The following RPF2 variants were observed in gnomAD, a reference collection of about 807,000 sequenced individuals.
RPF2 encodes ribosome production factor 2 homolog.
In RPF2, 21 loss-of-function variants were observed where a neutral mutation model predicts 38.9. The observed-to-expected ratio is 0.54, with a 90% confidence interval of 0.38 to 0.78. RPF2 has a LOEUF of 0.78. Among genes scored for constraint, RPF2 ranks in the 30% least tolerant of loss-of-function variants. The pLI is 0.00. For missense variants in RPF2, 314 were observed against 358.1 expected (o/e 0.88, Z 0.99); for synonymous variants, 121 against 126.2 (o/e 0.96, Z 0.28).
At position 111,025,423 on chromosome 6, in the gene RPF2, T is replaced by C. The variant is rs539832168; in HGVS notation, c.762T>C (p.Ile254=). The change falls in exon 10 of 10, where the codon ATT becomes ATC. Residue 254 remains isoleucine, a synonymous_variant. Coordinates refer to ENST00000441448, the MANE Select transcript of RPF2 (RefSeq NM_032194.3). ...CGTAGCCAAAGAAGAAGAAAAATAT[T>C]TCCCATGATACTTTTGGTACAACTT... ...KALKPKKKKN[I]SHDTFGTTYG... The C allele has an allele frequency of 2.4e-5, 38 of 1,604,276 alleles. No individual in the cohort carries two copies. The South Asian group carries it at 4.2e-4, about 18-fold the overall frequency.
chr6:111,020,481 C>G (rs1024803273), intron 8 of RPF2, among the ~76,000 whole-genome samples: 9 of 152,296 alleles, frequency 5.9e-5, no homozygotes, highest in African/African-American at 2.2e-4. Flanking sequence ...AAAGTATTCA[C>G]TTGTATTTAG....
chr6:111,022,799 GT>G (rs1772257213), intron 8 of RPF2, among the ~76,000 whole-genome samples: 1 of 152,196 alleles, frequency 6.6e-6, no homozygotes, highest in African/African-American at 2.4e-5. Context: ...GCCATGAGCT[GT>G]TTTGAATTGA....
intron 8 of RPF2, among the ~76,000 whole-genome samples, chr6:111,022,467 T>C (rs1479342794): frequency 6.6e-6 from 1 of 152,222 alleles, no homozygotes; most frequent in African/African-American, 2.4e-5. Context: ...CCAGTAAACA[T>C]ACTCACTGAA....
chr6:111,020,777 G>A (rs1252037992), intron 8 of RPF2, among the ~76,000 whole-genome samples: 1 of 152,144 alleles, frequency 6.6e-6, no homozygotes, highest in East Asian at 1.9e-4. Flanking sequence ...AGGAGAACCC[G>A]GGAGGCAGAG....
intron 8 of RPF2, 60 bp from the exon 9 acceptor site, chr6:111,024,123 T>C (rs1772281230): frequency 2.8e-6 from 4 of 1,429,596 alleles, no homozygotes; most frequent in Non-Finnish European, 3.8e-6. Context: ...CAAAAAATAT[T>C]TGGTGGAGAG....
chr6:110,996,663 A>G (rs888689754), intron 4 of RPF2, among the ~76,000 whole-genome samples: 1 of 152,220 alleles, frequency 6.6e-6, no homozygotes, highest in Non-Finnish European at 1.5e-5. Context: ...TGAAATGCAC[A>G]TCTTTTCCCT....
At chr6:111,017,276 A>C (rs190268577) in intron 8 of RPF2, among the ~76,000 whole-genome samples, 23,859 of 124,524 alleles carry the variant, frequency 0.19, 2,416 homozygotes, top group East Asian at 0.56. Flanking sequence ...AGGTGCCCCC[A>C]ACCTCCCGGA....
In RPF2 at chr6:111,025,392, T is replaced by C. The variant is rs1424485574; in HGVS notation, c.742-11T>C. ...AAGGCCATTAAATATATACATATTCTTTTATCGTAGCCAAAGAAGAAGAAA... is the reference window on the plus strand; with the variant it reads ...AAGGCCATTAAATATATACATATTCCTTTATCGTAGCCAAAGAAGAAGAAA... On this transcript the variant is annotated splice_polypyrimidine_tract_variant and intron_variant, in intron 9 of 9. Transcript: ENST00000441448. 2 of 1,574,792 alleles carry C rather than the reference T, an allele frequency of 1.3e-6. No homozygotes were observed. The highest frequency in any genetic ancestry group is 3.5e-5 in the Admixed American group (2 of 57,480).
At chr6:110,995,222 G>A (rs1771691435) in intron 4 of RPF2, among the ~76,000 whole-genome samples, 1 of 152,062 alleles carries the variant, frequency 6.6e-6, no homozygotes. Flanking sequence ...ATATTTTTTG[G>A]ACACCCACTT....
chr6:110,988,160 G>A (rs910396942), intron 2 of RPF2, among the ~76,000 whole-genome samples: 2 of 151,934 alleles, frequency 1.3e-5, no homozygotes, highest in Admixed American at 6.6e-5. Context: ...CTTTAATCAC[G>A]CCATTGCACT....
chr6:111,016,831 C>T (rs1272959858), intron 8 of RPF2, among the ~76,000 whole-genome samples: 1 of 151,332 alleles, frequency 6.6e-6, no homozygotes, highest in African/African-American at 2.4e-5. Context: ...GACCCTGCGG[C>T]CTTCCGCAGT....
intron 7 of RPF2, among the ~76,000 whole-genome samples, chr6:111,008,455 C>T (rs1295660428): frequency 2.0e-5 from 3 of 151,524 alleles, no homozygotes; most frequent in South Asian, 2.1e-4. Context: ...CTAAGTATCT[C>T]GGGAGAGTTA....
chr6:111,012,767 T>G lies in RPF2; in HGVS notation c.494-2987T>G, dbSNP rs553465310. ...TCACTGCAACCTCCGCATCAGCTGT[T>G]CAAGCGATTCTTCTGCCCCAGCCTC... On this transcript the variant is annotated intron_variant, in intron 7 of 9. Coordinates refer to ENST00000441448, the MANE Select transcript of RPF2 (RefSeq NM_032194.3). Among the ~76,000 whole-genome samples, 9 of 152,312 alleles carry G rather than the reference T, an allele frequency of 5.9e-5. No individual in the cohort carries two copies. The South Asian group carries it at 1.9e-3, about 32-fold the overall frequency.
chr6:111,014,007 C>CT (rs903620517), intron 7 of RPF2, among the ~76,000 whole-genome samples: 2 of 150,304 alleles, frequency 1.3e-5, no homozygotes, highest in African/African-American at 4.9e-5. Context: ...AGTATATGTA[C>CT]TTTTTTTAAA....
At chr6:110,989,921 C>T (rs1406043547) in intron 3 of RPF2, among the ~76,000 whole-genome samples, 1 of 151,212 alleles carries the variant, frequency 6.6e-6, no homozygotes, top group Non-Finnish European at 1.5e-5. Flanking sequence ...CCCCGCCCGG[C>T]CCAGTTTCTT....
At chr6:110,996,817 T>G (rs977176348) in intron 4 of RPF2, among the ~76,000 whole-genome samples, 1 of 152,216 alleles carries the variant, frequency 6.6e-6, no homozygotes, top group Admixed American at 6.5e-5. Flanking sequence ...GTTTTGTTTT[T>G]TTTAGACAGA....
rs1342547789 is a variant in RPF2, at chr6:111,013,340, TATCATGCTGTTAG to T, written c.494-2412_494-2400del. ...ACTCTGTTGTGTTCTAGCCAGAAAA[TATCATGCTGTTAG>T]ACATATTTGCTTTCCGGTTACTAAG... On this transcript the variant is annotated intron_variant, in intron 7 of 9. Coordinates refer to ENST00000441448, the MANE Select transcript of RPF2 (RefSeq NM_032194.3). Among the ~76,000 whole-genome samples the T allele has an allele frequency of 2.2e-4, 33 of 152,206 alleles. 1 individual carries two copies.
chr6:111,025,204 G>GATCT (rs1772302714), intron 9 of RPF2, among the ~76,000 whole-genome samples, 199 bp from the exon 10 acceptor site: 1 of 152,144 alleles, frequency 6.6e-6, no homozygotes, highest in African/African-American at 2.4e-5. Context: ...ACTGAATTAG[G>GATCT]ATCTGTATTT....
At chr6:111,013,502 G>T (rs944855922) in intron 7 of RPF2, among the ~76,000 whole-genome samples, 2 of 152,192 alleles carry the variant, frequency 1.3e-5, no homozygotes, top group African/African-American at 4.8e-5. Context: ...AGGATGGCTG[G>T]TTAGAACTAT....
Sources: allele counts gnomAD v4.1 joint callset (sites outside exome capture counted in the v4.1 genomes callset), GRCh38; gene constraint gnomAD v4.1.1; transcripts MANE v1.5; gene names NCBI Gene and HGNC (gene_info 2026-07-23, HGNC 2026-07-21).